ANGPTL3: variants seen among roughly 807,000 people sequenced by gnomAD.
ANGPTL3 encodes the protein angiopoietin like 3.
ANGPTL3 carries 51 observed loss-of-function variants against 52.7 expected under a neutral mutation model. The observed-to-expected ratio is 0.97, with a 90% CI of 0.77 to 1.22. The LOEUF (loss-of-function observed/expected upper bound fraction) is 1.22, where lower values mean the gene tolerates loss of function less well. ANGPTL3 is among the 50% of genes most tolerant of loss of function. The pLI is 0.00. For missense variants in ANGPTL3, 506 were observed against 520.7 expected (o/e 0.97, Z 0.27); for synonymous variants, 185 against 179.8 (o/e 1.03, Z -0.23).
Position 62,601,168 on chromosome 1 carries a change from GA to G in ANGPTL3, c.695del (p.Asn232MetfsTer3), listed in dbSNP as rs1200423936. The G allele has an allele frequency of 2.5e-6, 4 of 1,608,806 alleles. No homozygotes were observed. Among genetic ancestry groups the G allele is most frequent in the Non-Finnish European group, 3.4e-6 (4 of 1,175,966 alleles). On this transcript the variant is annotated frameshift_variant, in exon 3 of 7. Coordinates refer to ENST00000371129, the MANE Select transcript of ANGPTL3 (RefSeq NM_014495.4). LOFTEE classifies it high-confidence loss of function. ...CAAGAACTACTCCCTTTCTTCAGTT[GA>G]ATGAAATAAGAAATGTAAAACATGA... ...APRTTPFLQL[N>X]EIRNVKHDGI...
At chr1:62,604,518 T>C (rs1338156745) in intron 6 of ANGPTL3, 115 bp from the exon 7 acceptor site, 2 of 1,103,922 alleles carry the variant, frequency 1.8e-6, no homozygotes, top group East Asian at 2.5e-5. Flanking sequence ...CTGGGATACA[T>C]GCATCTAAAA....
intron 5 of ANGPTL3, among the ~76,000 whole-genome samples, chr1:62,602,777 T>C (rs1227298515): frequency 5.3e-5 from 8 of 151,520 alleles, no homozygotes. Flanking sequence ...TATCAATTAA[T>C]TGGAAGTTAA....
At chr1:62,603,524 G>A (rs1650471557) in intron 5 of ANGPTL3, among the ~76,000 whole-genome samples, 1 of 151,654 alleles carries the variant, frequency 6.6e-6, no homozygotes, top group East Asian at 1.9e-4. Context: ...CCAAAGGCCA[G>A]GTTTACATTT....
At chr1:62,598,671 TAACC>T in intron 1 of ANGPTL3, 21 bp from the exon 2 acceptor site, 1 of 1,359,604 alleles carries the variant, frequency 7.4e-7, no homozygotes. Context: ...AAGCAACTTA[TAACC>T]AACCTACTCT....
In ANGPTL3 at chr1:62,604,648, A is replaced by G. The variant is rs779566607; in HGVS notation, c.1214A>G (p.His405Arg). Residue 405 changes from histidine (H) to arginine (R), a missense_variant, in exon 7 of 7, where the codon CAT (histidine) becomes CGT (arginine). By Grantham distance (29) the His-to-Arg change is conservative (BLOSUM62 0). Transcript: ENST00000371129. ...TCTCCTTTAGGAGGCTGGTGGTGGC[A>G]TGATGAGTGTGGAGAAAACAACCTA... is the stretch of plus-strand genomic sequence containing the variant. ...PEGYSGGWWW[H>R]DECGENNLNG... The G allele has an allele frequency of 6.8e-6, 11 of 1,613,112 alleles. No individual in the cohort carries two copies. Among genetic ancestry groups the G allele is most frequent in the Admixed American group, 1.7e-5 (1 of 59,948 alleles).
chr1:62,603,418 GA>G (rs1650451390), intron 5 of ANGPTL3, among the ~76,000 whole-genome samples: 1 of 151,536 alleles, frequency 6.6e-6, no homozygotes, highest in African/African-American at 2.4e-5. Flanking sequence ...TAAAATTACA[GA>G]AAAAAGTTAT....
At chr1:62,601,246 C>G (rs778441659) in intron 3 of ANGPTL3, 50 bp downstream of exon 3, 1 of 1,258,238 alleles carries the variant, frequency 7.9e-7, no homozygotes, top group South Asian at 1.2e-5. Context: ...TATCAAATTC[C>G]CTATTCTTAG....
chr1:62,602,237 G>T (rs757777579), intron 4 of ANGPTL3, 48 bp from the exon 5 acceptor site: 1 of 1,441,254 alleles, frequency 6.9e-7, no homozygotes, highest in South Asian at 1.2e-5. Flanking sequence ...ATTTACATCT[G>T]TCAACATAAA....
At chr1:62,600,939 A>G (rs1351082823) in intron 2 of ANGPTL3, 143 bp from the exon 3 acceptor site, 1 of 634,910 alleles carries the variant, frequency 1.6e-6, no homozygotes, top group Non-Finnish European at 2.9e-6. Flanking sequence ...TACAATCTGA[A>G]TAACACTGTT....
intron 2 of ANGPTL3, among the ~76,000 whole-genome samples, chr1:62,599,053 A>G (rs1263715840): frequency 1.3e-5 from 2 of 152,112 alleles, no homozygotes; most frequent in Non-Finnish European, 2.9e-5. Flanking sequence ...TACTACAAAG[A>G]TAATAACAGA....
chr1:62,598,460 C>A (rs1027114935), intron 1 of ANGPTL3, among the ~76,000 whole-genome samples: 2 of 151,872 alleles, frequency 1.3e-5, no homozygotes, highest in African/African-American at 4.8e-5. Context: ...ATATGCTGGG[C>A]TTTTTCTTTT....
At chr1:62,599,849 A>C (rs544722242) in intron 2 of ANGPTL3, among the ~76,000 whole-genome samples, 2,133 of 152,132 alleles carry the variant, frequency 0.014, 29 homozygotes, top group Non-Finnish European at 0.024. Flanking sequence ...TGTTTAGAAA[A>C]AAGCTATGTC....
chr1:62,598,183 G>T, intron 1 of ANGPTL3, 122 bp downstream of exon 1: 1 of 968,288 alleles, frequency 1.0e-6, no homozygotes, highest in East Asian at 3.0e-5. Context: ...TTTTTTCCAA[G>T]AAAAATAATC....
At chr1:62,601,955 G>A (rs1235048599) in intron 4 of ANGPTL3, 73 bp downstream of exon 4, 1 of 886,426 alleles carries the variant, frequency 1.1e-6, no homozygotes, top group Middle Eastern at 2.2e-4. Context: ...GATTAACCTG[G>A]TTATCATTGT....
chr1:62,604,082 T>C lies in ANGPTL3; in HGVS notation c.1045T>C (p.Phe349Leu), dbSNP rs1169703274. 5 of 1,613,166 alleles carry C rather than the reference T, an allele frequency of 3.1e-6. No individual in the cohort carries two copies. The highest frequency in any genetic ancestry group is 1.3e-5 in the African/African-American group (1 of 74,850). ...KDNKHYIEYSFYLGNHETNYT... is the reference protein window; with the variant it reads ...KDNKHYIEYSLYLGNHETNYT... ...CAACAAACATTATATTGAATATTCT[T>C]TTTACTTGGGAAATCACGAAACCAA... The change falls in exon 6 of 7, where the codon TTT (phenylalanine) becomes CTT (leucine). Residue 349 changes from phenylalanine to leucine, a missense_variant. Phe to Leu is a conservative substitution (Grantham distance 22). Transcript: ENST00000371129.
rs141182347 is a variant in ANGPTL3, at chr1:62,603,568, A to G, written c.932-401A>G. 1.7e-3 allele frequency among the ~76,000 whole-genome samples: 260 copies of G among 151,946 alleles called. 1 individual carries two copies. The highest frequency in any genetic ancestry group is 6.1e-3 in the African/African-American group (252 of 41,548). On this transcript the variant is annotated intron_variant, in intron 5 of 6. Coordinates refer to ENST00000371129, the MANE Select transcript of ANGPTL3 (RefSeq NM_014495.4). ...TGACATTATTATTACTCAAGTCTCT[A>G]GGAATACTTAACACATCTCTTGACT... is the stretch of plus-strand genomic sequence containing the variant.
In ANGPTL3 at chr1:62,602,539, T is replaced by C. The variant is rs149540309; in HGVS notation, c.931+159T>C. The stretch of plus-strand genomic sequence containing the variant: ...AAACAATTACACATTTGTTAGTAAA[T>C]TACACTTATTACAACTGTTATTATT... On this transcript the variant is annotated intron_variant, in intron 5 of 6. Coordinates refer to ENST00000371129, the MANE Select transcript of ANGPTL3 (RefSeq NM_014495.4). Among the ~76,000 whole-genome samples the C allele has an allele frequency of 2.4e-3, 368 of 151,892 alleles. 2 individuals carry two copies. Among genetic ancestry groups the C allele is most frequent in the Non-Finnish European group, 3.0e-3 (200 of 67,704 alleles).
chr1:62,597,602 T>G lies in ANGPTL3; in HGVS notation c.36T>G (p.Pro12=). The part of the protein sequence containing the change: ...FTIKLLLFIV[P]LVISSRIDQD... ...TTAAGCTCCTTCTTTTTATTGTTCCTCTAGTTATTTCCTCCAGAATTGATC... is the reference window on the plus strand; with the variant it reads ...TTAAGCTCCTTCTTTTTATTGTTCCGCTAGTTATTTCCTCCAGAATTGATC... The change falls in exon 1 of 7, where the codon CCT becomes CCG. Residue 12 remains proline (P), a synonymous_variant. Transcript: ENST00000371129. 6.2e-7 allele frequency: 1 copy of G among 1,612,860 alleles called. No homozygotes were observed.
At chr1:62,599,805 GT>G (rs1649837255) in intron 2 of ANGPTL3, among the ~76,000 whole-genome samples, 1 of 151,920 alleles carries the variant, frequency 6.6e-6, no homozygotes, top group East Asian at 1.9e-4. Flanking sequence ...AATCTACAAT[GT>G]AAACATCTGG....
Sources: allele counts gnomAD v4.1 joint callset (sites outside exome capture counted in the v4.1 genomes callset), GRCh38; gene constraint gnomAD v4.1.1; transcripts MANE v1.5; gene names NCBI Gene and HGNC (gene_info 2026-07-23, HGNC 2026-07-21).